INPP1: variants seen among roughly 807,000 people sequenced by gnomAD.
INPP1 encodes inositol polyphosphate-1-phosphatase.
A neutral mutation model predicts 23.0 loss-of-function variants in INPP1; 18 were observed. The ratio of observed to expected loss-of-function variants is 0.78; its 90% CI spans 0.54 to 1.16. INPP1 has a LOEUF of 1.16. Among genes scored for constraint, INPP1 ranks in the 50% most tolerant of loss-of-function variants. INPP1 has a pLI of 0.00. For synonymous variants in INPP1, 164 were observed against 176.3 expected (o/e 0.93, Z 0.55); for missense variants, 448 against 482.1 (o/e 0.93, Z 0.66).
rs28571630 is a variant in INPP1, at chr2:190,367,623, C to A, written c.466+728C>A. Among the ~76,000 whole-genome samples, 894 of 152,314 alleles carry A rather than the reference C, an allele frequency of 5.9e-3. 12 individuals carry two copies. The highest frequency in any genetic ancestry group is 0.021 in the African/African-American group (860 of 41,564). Reference sequence around the variant, plus strand: ...AGTGCAGTGGCACAGTCAGAACTCACTCACTGCAGCCTTGTCCTCCTGAGC... The same window carrying A: ...AGTGCAGTGGCACAGTCAGAACTCAATCACTGCAGCCTTGTCCTCCTGAGC... On this transcript the variant is annotated intron_variant, in intron 5 of 6. Transcript: ENST00000392329. The surrounding 1 kb of genome is among the most constrained non-coding windows in gnomAD (Gnocchi z 4.1).
chr2:190,345,362 A>G lies in INPP1; in HGVS notation c.-209+1401A>G, dbSNP rs59706027. ...TATAGCTTTCCTTGTTATAGTCCTG[A>G]AAAAAATGAAAAGATAATTTCTTGT... On this transcript the variant is annotated intron_variant, in intron 1 of 6. Transcript: ENST00000392329. The surrounding 1 kb of genome is among the most constrained non-coding windows in gnomAD (Gnocchi z 4.9). 5 of 152,232 alleles carry G rather than the reference A, an allele frequency of 3.3e-5. No homozygotes were observed. Among genetic ancestry groups the G allele is most frequent in the African/African-American group, 1.2e-4 (5 of 41,568 alleles). 9.4% of individuals were successfully genotyped at this position (152,232 alleles called of 1,614,324 possible). A position where few individuals can be genotyped will look rare whatever the true frequency, so the allele number is the denominator to read the frequency against.
rs1331691469 is a variant in INPP1, at chr2:190,352,905, A to G, written c.-65+3874A>G. On this transcript the variant is annotated intron_variant, in intron 2 of 6. Coordinates refer to ENST00000392329, the MANE Select transcript of INPP1 (RefSeq NM_001128928.2). The surrounding 1 kb of genome is among the most constrained non-coding windows in gnomAD (Gnocchi z 4.7). ...TAGCTGTCAGGCAGGCCCACCACGCAATAGCTTCAAATTGCCATTCCTCAG... is the reference window on the plus strand; with the variant it reads ...TAGCTGTCAGGCAGGCCCACCACGCGATAGCTTCAAATTGCCATTCCTCAG... 6.6e-6 allele frequency among the ~76,000 whole-genome samples: 1 copy of G among 152,208 alleles called. No homozygotes were observed. The highest frequency in any genetic ancestry group is 1.5e-5 in the Non-Finnish European group (1 of 68,032).
chr2:190,365,698 C>G (rs940060300), intron 4 of INPP1, among the ~76,000 whole-genome samples: 3 of 152,240 alleles, frequency 2.0e-5, no homozygotes, highest in Non-Finnish European at 4.4e-5. Context: ...TTCTGGCAGT[C>G]AGCCAGGCAT....
At position 190,367,450 on chromosome 2, in the gene INPP1, G is replaced by A. The variant is rs1029020656; in HGVS notation, c.466+555G>A. ...CACAGTACAGGTCAAGCAAAAAGCTGAATGTGACGCATGAGCAGTTTGTGA... is the reference window on the plus strand; with the variant it reads ...CACAGTACAGGTCAAGCAAAAAGCTAAATGTGACGCATGAGCAGTTTGTGA... On this transcript the variant is annotated intron_variant, in intron 5 of 6. Coordinates refer to ENST00000392329, the MANE Select transcript of INPP1 (RefSeq NM_001128928.2). This position sits in a 1 kb window ranked among gnomAD's most constrained non-coding sequence, Gnocchi z 4.1. Among the ~76,000 whole-genome samples, 1 of 152,244 alleles carries A rather than the reference G, an allele frequency of 6.6e-6. No homozygotes were observed. Among genetic ancestry groups the A allele is most frequent in the East Asian group, 1.9e-4 (1 of 5,204 alleles).
chr2:190,368,959 A>G lies in INPP1; in HGVS notation c.467-144A>G. ...ACAAGCAATTTAAAAGTAAAGTACA[A>G]GAGGCCAAATAACAATTCAATACAG... On this transcript the variant is annotated intron_variant, in intron 5 of 6. Coordinates refer to ENST00000392329, the MANE Select transcript of INPP1 (RefSeq NM_001128928.2). This position sits in a 1 kb window ranked among gnomAD's most constrained non-coding sequence, Gnocchi z 4.3. 2 of 462,266 alleles carry G rather than the reference A, an allele frequency of 4.3e-6. No homozygotes were observed. Among genetic ancestry groups the G allele is most frequent in the East Asian group, 6.5e-5 (2 of 30,744 alleles). The allele number at this position is 462,266 out of a possible 1,614,324, so 28.6% of individuals were successfully genotyped here. A position where few individuals can be genotyped will look rare whatever the true frequency, so the allele number is the denominator to read the frequency against.
At position 190,355,321 on chromosome 2, in the gene INPP1, C is replaced by T. The variant is rs536975418; in HGVS notation, c.-64-4718C>T. Among the ~76,000 whole-genome samples, 1 of 152,176 alleles carries T rather than the reference C, an allele frequency of 6.6e-6. No individual in the cohort carries two copies. Among genetic ancestry groups the T allele is most frequent in the Non-Finnish European group, 1.5e-5 (1 of 68,022 alleles). On this transcript the variant is annotated intron_variant, in intron 2 of 6. Coordinates refer to ENST00000392329, the MANE Select transcript of INPP1 (RefSeq NM_001128928.2). This position sits in a 1 kb window ranked among gnomAD's most constrained non-coding sequence, Gnocchi z 5.1. ...TAAATGTTAGCTGTTTCAATTTTAA[C>T]CTATCTCTGCACAAGAATAACAGAT... is the stretch of plus-strand genomic sequence containing the variant.
intron 3 of INPP1, among the ~76,000 whole-genome samples, chr2:190,360,837 C>T (rs1169217376): frequency 6.6e-6 from 1 of 151,548 alleles, no homozygotes; most frequent in African/African-American, 2.4e-5. Context: ...CATCATTTAT[C>T]TAGTGGTTTC....
chr2:190,366,241 C>T (rs527606441), intron 4 of INPP1, among the ~76,000 whole-genome samples: 69 of 150,598 alleles, frequency 4.6e-4, no homozygotes, highest in African/African-American at 1.6e-3. Context: ...TGCTCTCTGT[C>T]TCACTCTTTC....
chr2:190,344,483 G>A (rs1478961622), intron 1 of INPP1, among the ~76,000 whole-genome samples: 1 of 152,194 alleles, frequency 6.6e-6, no homozygotes, highest in Non-Finnish European at 1.5e-5. Flanking sequence ...CCTACTTGAT[G>A]AGTGTGAAAT....
intron 2 of INPP1, among the ~76,000 whole-genome samples, chr2:190,353,989 G>C (rs1056029046): frequency 6.6e-6 from 1 of 152,120 alleles, no homozygotes; most frequent in African/African-American, 2.4e-5. Flanking sequence ...AAGCAAAAGA[G>C]ACCCTAATTC....
Position 190,366,801 on chromosome 2 carries a change from T to A in INPP1, c.372T>A (p.Val124=). ...NKVASEALAR[V]VHQDVAFTDP... The stretch of plus-strand genomic sequence containing the variant: ...TGGCATCTGAAGCATTAGCCAGGGT[T>A]GTTCATCAGGATGTTGCCTTTACTG... The change falls in exon 5 of 7, where the codon GTT becomes GTA. Residue 124 remains valine, a synonymous_variant. Coordinates refer to ENST00000392329, the MANE Select transcript of INPP1 (RefSeq NM_001128928.2). 1 of 1,613,738 alleles carries A rather than the reference T, an allele frequency of 6.2e-7. No individual in the cohort carries two copies. Among genetic ancestry groups the A allele is most frequent in the Non-Finnish European group, 8.5e-7 (1 of 1,179,586 alleles).
At chr2:190,349,616 G>A (rs1319419845) in intron 2 of INPP1, among the ~76,000 whole-genome samples, 2 of 152,088 alleles carry the variant, frequency 1.3e-5, no homozygotes, top group Non-Finnish European at 2.9e-5. Flanking sequence ...AGTTAAGATA[G>A]TTACATTGCA....
rs749044482 is a variant in INPP1 at position 190,369,224 on chromosome 2, C to T, written c.588C>T (p.Pro196=). 1.2e-6 allele frequency: 2 copies of T among 1,603,284 alleles called. No homozygotes were observed. Among genetic ancestry groups the T allele is most frequent in the Non-Finnish European group, 8.5e-7 (1 of 1,171,464 alleles). Residue 196 remains proline (P), a synonymous_variant, in exon 6 of 7, where the codon CCC becomes CCT. Transcript: ENST00000392329. The part of the protein sequence containing the change: ...IGVYDIQTGV[P]LMGVINQPFV... ...TCTATGACATACAGACAGGGGTTCC[C>T]CTGATGGGAGTCATCAATCAACCTT...
In INPP1 at chr2:190,346,889, G is replaced by C. The variant is rs1277326290; in HGVS notation, c.-208-1999G>C. Among the ~76,000 whole-genome samples, 1 of 151,924 alleles carries C rather than the reference G, an allele frequency of 6.6e-6. No homozygotes were observed. The highest frequency in any genetic ancestry group is 1.5e-5 in the Non-Finnish European group (1 of 67,998). ...CAAAATGCTGGGACTACAGGTGTGA[G>C]CTGCTGCACCCAGCCTAATTTCTTT... On this transcript the variant is annotated intron_variant, in intron 1 of 6. Coordinates refer to ENST00000392329, the MANE Select transcript of INPP1 (RefSeq NM_001128928.2). This position sits in a 1 kb window ranked among gnomAD's most constrained non-coding sequence, Gnocchi z 5.1.
Position 190,350,395 on chromosome 2 carries a change from T to G in INPP1, c.-65+1364T>G, listed in dbSNP as rs140277526. Among the ~76,000 whole-genome samples, 466 of 152,360 alleles carry G rather than the reference T, an allele frequency of 3.1e-3. 4 individuals are homozygous for G. Among genetic ancestry groups the G allele is most frequent in the African/African-American group, 0.01 (436 of 41,582 alleles). ...GTAGAGCTGACTGTTGCACCTGTTG[T>G]TTCCTTAAATTGTTGGATAAAAATC... On this transcript the variant is annotated intron_variant, in intron 2 of 6. Coordinates refer to ENST00000392329, the MANE Select transcript of INPP1 (RefSeq NM_001128928.2).
intron 6 of INPP1, among the ~76,000 whole-genome samples, chr2:190,370,604 A>G (rs1689780233): frequency 6.6e-6 from 1 of 152,216 alleles, no homozygotes; most frequent in Non-Finnish European, 1.5e-5. Flanking sequence ...TCCTAGATTG[A>G]TGTGATAATG....
intron 4 of INPP1, among the ~76,000 whole-genome samples, chr2:190,364,052 C>T (rs1336715347): frequency 1.3e-5 from 2 of 152,150 alleles, no homozygotes; most frequent in African/African-American, 4.8e-5. Flanking sequence ...TTTTACTGAG[C>T]CCAGAGTAGG....
rs1164273846 is a variant in INPP1, at chr2:190,354,153, C to T, written c.-65+5122C>T. Reference sequence around the variant, plus strand: ...AGGCTTATGAGAGGTTCAGTGCTCACTGCAATATTAATTACTTGGCTGTTA... The same window carrying T: ...AGGCTTATGAGAGGTTCAGTGCTCATTGCAATATTAATTACTTGGCTGTTA... On this transcript the variant is annotated intron_variant, in intron 2 of 6. Coordinates refer to ENST00000392329, the MANE Select transcript of INPP1 (RefSeq NM_001128928.2). The surrounding 1 kb of genome is among the most constrained non-coding windows in gnomAD (Gnocchi z 4.8). Among the ~76,000 whole-genome samples, 1 of 152,208 alleles carries T rather than the reference C, an allele frequency of 6.6e-6. No homozygotes were observed. Among genetic ancestry groups the T allele is most frequent in the Non-Finnish European group, 1.5e-5 (1 of 68,044 alleles).
In INPP1 at chr2:190,356,397, T is replaced by C. The variant is rs1267632767; in HGVS notation, c.-64-3642T>C. On this transcript the variant is annotated intron_variant, in intron 2 of 6. Coordinates refer to ENST00000392329, the MANE Select transcript of INPP1 (RefSeq NM_001128928.2). This position sits in a 1 kb window ranked among gnomAD's most constrained non-coding sequence, Gnocchi z 6.4. ...CTGTTCATTACAGGGCTGCAGTGAA[T>C]AGCCAGTACTTCTTTCCCATTGGTC... 6.6e-6 allele frequency: 1 copy of C among 152,258 alleles called. No homozygotes were observed. Among genetic ancestry groups the C allele is most frequent in the Non-Finnish European group, 1.5e-5 (1 of 68,060 alleles). 9.4% of individuals were successfully genotyped at this position (152,258 alleles called of 1,614,324 possible).
Sources: allele counts gnomAD v4.1 joint callset (sites outside exome capture counted in the v4.1 genomes callset), GRCh38; gene constraint gnomAD v4.1.1; non-coding constraint Gnocchi (gnomAD v3.1); transcripts MANE v1.5; gene names NCBI Gene and HGNC (gene_info 2026-07-23, HGNC 2026-07-21).